CLYBL: variants seen among roughly 807,000 people sequenced by gnomAD.
CLYBL encodes citramalyl-CoA lyase, mitochondrial.
CLYBL carries 31 observed loss-of-function variants against 38.9 expected under a neutral mutation model. The ratio of observed to expected loss-of-function variants is 0.80; its 90% CI spans 0.60 to 1.08. CLYBL has a LOEUF of 1.08. Among genes scored for constraint, CLYBL ranks in the 50% least tolerant of loss-of-function variants. CLYBL has a pLI of 0.00. For synonymous variants in CLYBL, 171 were observed against 158.6 expected (o/e 1.08, Z -0.59); for missense variants, 434 against 411.6 (o/e 1.05, Z -0.47).
chr13:99,757,878 G>A (rs1051193251), intron 1 of CLYBL, among the ~76,000 whole-genome samples: 8 of 152,246 alleles, frequency 5.3e-5, no homozygotes, highest in East Asian at 3.9e-4. Flanking sequence ...GGACTGCAAC[G>A]TGCCACCAAG....
chr13:99,809,070 T>C lies in CLYBL; in HGVS notation c.249+36060T>C, dbSNP rs116589447. ...AATTCTTGAATTTACCCTGGTACTA[T>C]ATGCTTGTTAATTGTTTAGACACAC... is the stretch of plus-strand genomic sequence containing the variant. On this transcript the variant is annotated intron_variant, in intron 2 of 8. Transcript: ENST00000339105. 3.4e-3 allele frequency among the ~76,000 whole-genome samples: 514 copies of C among 152,312 alleles called. 4 individuals carry two copies. Among genetic ancestry groups the C allele is most frequent in the African/African-American group, 0.012 (490 of 41,568 alleles).
intron 1 of CLYBL, among the ~76,000 whole-genome samples, chr13:99,611,172 G>T (rs1377353488): frequency 6.6e-6 from 1 of 152,208 alleles, no homozygotes. Context: ...TGTTCTTACT[G>T]AGATTCATAC....
At position 99,613,338 on chromosome 13, in the gene CLYBL, G is replaced by A. The variant is rs186617638; in HGVS notation, c.62+6581G>A. Among the ~76,000 whole-genome samples, 76 of 152,218 alleles carry A rather than the reference G, an allele frequency of 5.0e-4. 1 individual carries two copies. Among genetic ancestry groups the A allele is most frequent in the Admixed American group, 4.0e-3 (61 of 15,286 alleles). Reference sequence around the variant, plus strand: ...CCAGATGAAGACAGTTTAGAGAGGCGACAACTACAAGCTAAGTACCTGAGA... The same window carrying A: ...CCAGATGAAGACAGTTTAGAGAGGCAACAACTACAAGCTAAGTACCTGAGA... On this transcript the variant is annotated intron_variant, in intron 1 of 8. Transcript: ENST00000339105.
chr13:99,705,598 G>T (rs2048135066), intron 1 of CLYBL, among the ~76,000 whole-genome samples: 1 of 151,948 alleles, frequency 6.6e-6, no homozygotes, highest in Non-Finnish European at 1.5e-5. Context: ...ATGAAATTCT[G>T]ATACCTGCTA....
intron 7 of CLYBL, among the ~76,000 whole-genome samples, chr13:99,877,108 A>G (rs771916333): frequency 6.6e-5 from 10 of 152,186 alleles, no homozygotes; most frequent in Non-Finnish European, 1.2e-4. Context: ...GGAAACTCCC[A>G]GAGCAAGCCT....
chr13:99,736,075 C>T lies in CLYBL; in HGVS notation c.63-36749C>T, dbSNP rs529483101. Among the ~76,000 whole-genome samples, 25 of 112,896 alleles carry T rather than the reference C, an allele frequency of 2.2e-4. No homozygotes were observed. The South Asian group carries it at 6.6e-3, about 30-fold the overall frequency. The allele number at this position is 112,896 out of a possible 152,430, so 74.1% of individuals were successfully genotyped here. A position where few individuals can be genotyped will look rare whatever the true frequency, so the allele number is the denominator to read the frequency against. On this transcript the variant is annotated intron_variant, in intron 1 of 8. Coordinates refer to ENST00000339105, the MANE Select transcript of CLYBL (RefSeq NM_206808.5). ...TTTTTTTTTTTTTGAGCTGGAATCT[C>T]GCTCTGTCATCCAGGCTGGAGTGCA...
At chr13:99,883,965 G>A (rs2052281991) in intron 7 of CLYBL, among the ~76,000 whole-genome samples, 1 of 152,182 alleles carries the variant, frequency 6.6e-6, no homozygotes, top group African/African-American at 2.4e-5. Context: ...TAACTGTTAA[G>A]TCATTTGCAT....
intron 1 of CLYBL, among the ~76,000 whole-genome samples, chr13:99,730,976 A>G (rs942700434): frequency 7.3e-5 from 11 of 150,342 alleles, no homozygotes; most frequent in African/African-American, 2.7e-4. Context: ...CCAGCAACTC[A>G]GGAGGCTGAG....
At chr13:99,778,230 T>G (rs759205190) in intron 2 of CLYBL, among the ~76,000 whole-genome samples, 1 of 152,200 alleles carries the variant, frequency 6.6e-6, no homozygotes, top group Non-Finnish European at 1.5e-5. Flanking sequence ...TTTCTCAAAG[T>G]CACCTCTTAA....
intron 1 of CLYBL, among the ~76,000 whole-genome samples, chr13:99,705,446 G>T (rs147642604): frequency 0.011 from 1,698 of 152,186 alleles, 16 homozygotes; most frequent in South Asian, 0.048. Context: ...CAGGTGTGGT[G>T]GCACATGCCT....
At chr13:99,698,440 C>T (rs544248293) in intron 1 of CLYBL, among the ~76,000 whole-genome samples, 5 of 152,038 alleles carry the variant, frequency 3.3e-5, no homozygotes, top group African/African-American at 1.2e-4. Flanking sequence ...ATCAGAATTA[C>T]GTTCAAGCTA....
At chr13:99,710,846 C>T (rs1397185589) in intron 1 of CLYBL, among the ~76,000 whole-genome samples, 9 of 149,538 alleles carry the variant, frequency 6.0e-5, no homozygotes, top group Non-Finnish European at 1.3e-4. Context: ...TTCAAGCTAT[C>T]GACAAGTCTC....
chr13:99,620,962 T>G (rs1230036774), intron 1 of CLYBL, among the ~76,000 whole-genome samples: 2 of 151,828 alleles, frequency 1.3e-5, no homozygotes, highest in African/African-American at 2.4e-5. Flanking sequence ...AAGCTTGGAG[T>G]CTCTCTGCCA....
intron 1 of CLYBL, among the ~76,000 whole-genome samples, chr13:99,710,455 G>A (rs1423908302): frequency 1.3e-5 from 2 of 152,158 alleles, no homozygotes; most frequent in Non-Finnish European, 2.9e-5. Context: ...ATACTGCACA[G>A]CATTTTTTTC....
chr13:99,667,109 A>G (rs2047492640), intron 1 of CLYBL, among the ~76,000 whole-genome samples: 1 of 152,084 alleles, frequency 6.6e-6, no homozygotes, highest in Non-Finnish European at 1.5e-5. Flanking sequence ...GCAGAGATGC[A>G]AGTTGTGTTG....
chr13:99,822,412 A>G (rs2050605992), intron 2 of CLYBL, among the ~76,000 whole-genome samples: 1 of 152,210 alleles, frequency 6.6e-6, no homozygotes, highest in South Asian at 2.1e-4. Flanking sequence ...GTTCAGAAGT[A>G]AGGCTGAGAC....
At chr13:99,718,477 A>G (rs1469551940) in intron 1 of CLYBL, among the ~76,000 whole-genome samples, 1 of 151,938 alleles carries the variant, frequency 6.6e-6, no homozygotes, top group East Asian at 1.9e-4. Context: ...GCCCCTCTGC[A>G]TTTGCTATTT....
intron 7 of CLYBL, chr13:99,885,099 G>A (rs778859124): frequency 1.3e-5 from 7 of 530,166 alleles, no homozygotes; most frequent in African/African-American, 9.6e-5. Flanking sequence ...GGTCCTGGGA[G>A]TCAAAGGTAC....
At chr13:99,864,779 C>T (rs752074769) in intron 4 of CLYBL, 39 bp from the exon 5 acceptor site, 35 of 1,402,764 alleles carry the variant, frequency 2.5e-5, no homozygotes, top group South Asian at 4.6e-5. Flanking sequence ...CTGACGCACG[C>T]GTTTCCGTGA....
Sources: allele counts gnomAD v4.1 joint callset (sites outside exome capture counted in the v4.1 genomes callset), GRCh38; gene constraint gnomAD v4.1.1; transcripts MANE v1.5; gene names NCBI Gene and HGNC (gene_info 2026-07-23, HGNC 2026-07-21).